USP45: variants seen among roughly 807,000 people sequenced by gnomAD.
The protein encoded by USP45 is ubiquitin carboxyl-terminal hydrolase 45.
USP45 carries 89 observed loss-of-function variants against 95.8 expected under a neutral mutation model. The observed-to-expected ratio is 0.93, with a 90% CI of 0.78 to 1.11. USP45 has a LOEUF of 1.11. Among genes scored for constraint, USP45 ranks in the 50% least tolerant of loss-of-function variants. USP45 has a pLI of 0.00. For missense variants in USP45, 898 were observed against 942.5 expected, an observed-to-expected ratio of 0.95 and a Z score of 0.62; for synonymous variants, 281 against 316.2, an observed-to-expected ratio of 0.89 and a Z score of 1.18.
chr6:99,443,683 TTATTTATAAAATTCCATTTTA>T lies in USP45; in HGVS notation c.1976-42_1976-22del, dbSNP rs758890007. 3 of 1,443,602 alleles carry T rather than the reference TTATTTATAAAATTCCATTTTA, an allele frequency of 2.1e-6. No individual in the cohort carries two copies. In the African/African-American group the frequency reaches 4.3e-5, roughly 21 times the overall value. The allele number at this position is 1,443,602 out of a possible 1,614,324, so 89.4% of individuals were successfully genotyped here. ...CTTTTCTACATAAAATACAATAAATTTATTTATAAAATTCCATTTTATACATTATCTACCATATAATAAAAA... is the reference window on the plus strand; with the variant it reads ...CTTTTCTACATAAAATACAATAAATTTACATTATCTACCATATAATAAAAA... On this transcript the variant is annotated intron_variant, in intron 14 of 17. Coordinates refer to ENST00000500704, the MANE Select transcript of USP45 (RefSeq NM_001346022.3).
chr6:99,509,849 T>C (rs566145346), intron 2 of USP45, among the ~76,000 whole-genome samples: 3 of 151,948 alleles, frequency 2.0e-5, no homozygotes, highest in African/African-American at 4.8e-5. Context: ...GGAGGTGGGG[T>C]GGGGTAGTTG....
chr6:99,478,234 T>G (rs186716737), intron 8 of USP45, among the ~76,000 whole-genome samples: 65 of 150,218 alleles, frequency 4.3e-4, no homozygotes, highest in Non-Finnish European at 6.4e-4. Context: ...TTTTTTTTTT[T>G]TTTTTTTTTT....
intron 7 of USP45, 32 bp downstream of exon 7, chr6:99,488,168 A>C: frequency 6.8e-7 from 1 of 1,461,754 alleles, no homozygotes; most frequent in Non-Finnish European, 9.6e-7. Flanking sequence ...GCTCATCTGA[A>C]AGCAGCTATT....
intron 5 of USP45, among the ~76,000 whole-genome samples, chr6:99,500,722 C>A (rs987629899): frequency 6.6e-6 from 1 of 152,192 alleles, no homozygotes; most frequent in Non-Finnish European, 1.5e-5. Flanking sequence ...AAGTCTTTCA[C>A]CACCATATTT....
intron 11 of USP45, among the ~76,000 whole-genome samples, chr6:99,465,837 G>C (rs1332340239): frequency 1.3e-5 from 2 of 152,086 alleles, no homozygotes; most frequent in South Asian, 2.1e-4. Context: ...CCAAGCAATT[G>C]AAAATCTACA....
At chr6:99,459,158 T>G (rs1478457056) in intron 13 of USP45, among the ~76,000 whole-genome samples, 2 of 152,134 alleles carry the variant, frequency 1.3e-5, no homozygotes, top group African/African-American at 4.8e-5. Context: ...CACCCTCCAG[T>G]AGGCCCCAGT....
intron 13 of USP45, among the ~76,000 whole-genome samples, chr6:99,457,731 C>T (rs892736364): frequency 6.6e-6 from 1 of 152,108 alleles, no homozygotes; most frequent in African/African-American, 2.4e-5. Flanking sequence ...TCAGACTCAC[C>T]TAAGAGGGCT....
intron 5 of USP45, among the ~76,000 whole-genome samples, chr6:99,502,456 C>T (rs956935576): frequency 5.9e-5 from 9 of 152,304 alleles, no homozygotes; most frequent in African/African-American, 1.9e-4. Flanking sequence ...ATTCAGTGGT[C>T]TAGGAACCCT....
intron 16 of USP45, among the ~76,000 whole-genome samples, chr6:99,439,300 A>C (rs890417086): frequency 1.3e-5 from 2 of 152,212 alleles, no homozygotes; most frequent in Non-Finnish European, 2.9e-5. Flanking sequence ...CTAATTATTA[A>C]AGTAGCAGCA....
At chr6:99,450,936 CAT>C (rs1476116492) in intron 13 of USP45, among the ~76,000 whole-genome samples, 1 of 152,168 alleles carries the variant, frequency 6.6e-6, no homozygotes, top group Non-Finnish European at 1.5e-5. Flanking sequence ...ACAAAAACCA[CAT>C]GATTATCTCA....
At position 99,435,772 on chromosome 6, in the gene USP45, C is replaced by G. The variant is rs112515167; in HGVS notation, c.2389G>C (p.Glu797Gln). The G allele has an allele frequency of 2.5e-6, 4 of 1,613,704 alleles. No individual in the cohort carries two copies. The African/African-American group carries it at 4.0e-5, about 16-fold the overall frequency. ...VSDTYLQVVP[E>Q]SRALSAQAYL... ...GCTTGTGCACTAAGTGCTCTTGATT[C>G]TGGAACCACCTGTAAGTAAGTGTCA... Residue 797 changes from glutamate (E) to glutamine (Q), a missense_variant, in exon 18 of 18, where the codon GAA becomes CAA. By Grantham distance (29) the Glu-to-Gln change is conservative (BLOSUM62 2). Transcript: ENST00000500704.
chr6:99,507,862 T>C (rs544300647), intron 3 of USP45, among the ~76,000 whole-genome samples: 43 of 152,292 alleles, frequency 2.8e-4, no homozygotes, highest in African/African-American at 9.4e-4. Context: ...CGTACACAAC[T>C]TCACCCCAGC....
rs1787424027 is a variant in USP45, at chr6:99,464,588, A to G, written c.1308+16T>C. On this transcript the variant is annotated intron_variant, in intron 13 of 17. Coordinates refer to ENST00000500704, the MANE Select transcript of USP45 (RefSeq NM_001346022.3). ...CTGTTAAAAAACAGACGTCTAACAG[A>G]TGCTTATGGTCTTACCTTATCTTTA... 1 of 1,595,790 alleles carries G rather than the reference A, an allele frequency of 6.3e-7. No individual in the cohort carries two copies. Among genetic ancestry groups the G allele is most frequent in the Non-Finnish European group, 8.5e-7 (1 of 1,175,234 alleles).
chr6:99,449,823 A>C (rs1783449809), intron 13 of USP45, among the ~76,000 whole-genome samples: 1 of 152,234 alleles, frequency 6.6e-6, no homozygotes, highest in Non-Finnish European at 1.5e-5. Flanking sequence ...AAATTATAAC[A>C]AATTGTCTCT....
chr6:99,467,201 GA>G (rs1229357483), intron 10 of USP45, among the ~76,000 whole-genome samples: 1 of 152,094 alleles, frequency 6.6e-6, no homozygotes, highest in Non-Finnish European at 1.5e-5. Flanking sequence ...AAGAACTCAA[GA>G]ACATGGTTAT....
chr6:99,452,885 G>A (rs962737778), intron 13 of USP45, among the ~76,000 whole-genome samples: 3 of 152,130 alleles, frequency 2.0e-5, no homozygotes, highest in African/African-American at 7.2e-5. Context: ...TAGGGACATG[G>A]ATGAAGCTGG....
At chr6:99,493,244 T>G (rs2128747716) in intron 5 of USP45, among the ~76,000 whole-genome samples, 1 of 152,258 alleles carries the variant, frequency 6.6e-6, no homozygotes, top group South Asian at 2.1e-4. Context: ...CAGGCTGGTC[T>G]TGAACTCCTG....
At chr6:99,475,237 C>T (rs1277224723) in intron 9 of USP45, among the ~76,000 whole-genome samples, 1 of 151,462 alleles carries the variant, frequency 6.6e-6, no homozygotes, top group Non-Finnish European at 1.5e-5. Flanking sequence ...AAGAAGAATG[C>T]TTTCTGGATT....
intron 13 of USP45, among the ~76,000 whole-genome samples, chr6:99,463,800 C>CAAAAAAAAAA (rs398002416): frequency 1.2e-5 from 1 of 84,462 alleles, no homozygotes; most frequent in South Asian, 3.8e-4. Context: ...GACTCCATCT[C>CAAAAAAAAAA]AAAAAAAAAA....
Sources: allele counts gnomAD v4.1 joint callset (sites outside exome capture counted in the v4.1 genomes callset), GRCh38; gene constraint gnomAD v4.1.1; transcripts MANE v1.5; gene names NCBI Gene and HGNC (gene_info 2026-07-23, HGNC 2026-07-21).